The following METTL26 variants were observed in gnomAD, a reference collection of about 807,000 sequenced individuals.
METTL26 encodes methyltransferase-like 26.
A neutral mutation model predicts 24.7 loss-of-function variants in METTL26; 28 were observed. The observed-to-expected ratio is 1.13, with a 90% CI of 0.84 to 1.55. The LOEUF (loss-of-function observed/expected upper bound fraction) is 1.55, where lower values mean the gene tolerates loss of function less well. Among genes scored for constraint, METTL26 ranks in the 40% most tolerant of loss-of-function variants. METTL26 has a pLI of 0.00. For missense variants in METTL26, 344 were observed against 281.2 expected (o/e 1.22, Z -1.60); for synonymous variants, 165 against 125.2 (o/e 1.32, Z -2.12).
At position 634,445 on chromosome 16, in the gene METTL26, GC is replaced by G. The variant is rs1328306516; in HGVS notation, c.*151del. The G allele has an allele frequency of 1.4e-6, 2 of 1,452,076 alleles. No homozygotes were observed. The highest frequency in any genetic ancestry group is 1.9e-6 in the Non-Finnish European group (2 of 1,039,094). 89.9% of individuals were successfully genotyped at this position (1,452,076 alleles called of 1,614,324 possible). On this transcript the variant is annotated 3_prime_UTR_variant, in exon 6 of 6. Transcript: ENST00000301686. ...CACCAGCAAGCCGGCAGCAGGACAT[GC>G]TTTATTCTGAGCAGGCTGGGCCCTT...
chr16:635,376 C>T (rs373273169), intron 2 of METTL26, 36 bp from the exon 3 acceptor site: 2 of 1,566,490 alleles, frequency 1.3e-6, no homozygotes, highest in African/African-American at 1.3e-5. Flanking sequence ...TGAGGTGCTG[C>T]CCCCAACAGA....
At position 635,760 on chromosome 16, in the gene METTL26, G is replaced by A. The variant is rs563555935; in HGVS notation, c.212C>T (p.Thr71Met). 16 of 1,569,196 alleles carry A rather than the reference G, an allele frequency of 1.0e-5. No individual in the cohort carries two copies. The highest frequency in any genetic ancestry group is 9.4e-5 in the African/African-American group (7 of 74,462). Residue 71 changes from threonine (T) to methionine (M), a missense_variant, in exon 2 of 6, where the codon ACG (threonine) becomes ATG (methionine). Thr to Met is a moderately conservative substitution (Grantham distance 81, BLOSUM62 -1). Coordinates refer to ENST00000301686, the MANE Select transcript of METTL26 (RefSeq NM_032366.5). Reference sequence around the variant, plus strand: ...CACGTTGGTCAGGCCCTGGGCTTGCGTGGTGGCCGCGATGCTGCAGGAGGC... The same window carrying A: ...CACGTTGGTCAGGCCCTGGGCTTGCATGGTGGCCGCGATGCTGCAGGAGGC... Reference protein sequence around the residue: ...QRCLDSIAATTQAQGLTNVKA... With the variant: ...QRCLDSIAATMQAQGLTNVKA...
intron 3 of METTL26, 139 bp downstream of exon 3, chr16:635,142 G>A (rs1029847287): frequency 1.4e-6 from 2 of 1,481,358 alleles, no homozygotes; most frequent in Non-Finnish European, 1.8e-6. Context: ...CCAGGGAGGG[G>A]TACAGACTGG....
chr16:635,875 A>G (rs1330865518), intron 1 of METTL26, 101 bp from the exon 2 acceptor site: 3 of 1,424,622 alleles, frequency 2.1e-6, no homozygotes, highest in South Asian at 1.4e-5. Context: ...CACGTTGAGG[A>G]GCGGAGACCA....
chr16:635,908 C>T, intron 1 of METTL26, 134 bp from the exon 2 acceptor site: 1 of 1,353,376 alleles, frequency 7.4e-7, no homozygotes, highest in Non-Finnish European at 9.8e-7. Flanking sequence ...AGGGGGACCC[C>T]GAGGTCCACC....
Position 634,432 on chromosome 16 carries a change from G to C in METTL26, c.*165C>G. The C allele has an allele frequency of 1.5e-6, 2 of 1,373,564 alleles. No individual in the cohort carries two copies. The highest frequency in any genetic ancestry group is 1.0e-6 in the Non-Finnish European group (1 of 974,924). The allele number at this position is 1,373,564 out of a possible 1,614,324, so 85.1% of individuals were successfully genotyped here. ...GAGGTGGGGCAGACACCAGCAAGCC[G>C]GCAGCAGGACATGCTTTATTCTGAG... On this transcript the variant is annotated 3_prime_UTR_variant, in exon 6 of 6. Coordinates refer to ENST00000301686, the MANE Select transcript of METTL26 (RefSeq NM_032366.5).
chr16:635,965 G>A (rs1567203152), intron 1 of METTL26, 129 bp downstream of exon 1: 2 of 1,361,520 alleles, frequency 1.5e-6, no homozygotes, highest in African/African-American at 1.5e-5. Context: ...TGCCCCGGGG[G>A]CACCCCCAGG....
Position 635,621 on chromosome 16 carries a change from G to A in METTL26, c.351C>T (p.Arg117=). ...CINMAHVSPL[R]CTEGLFRAAG... is the part of the protein sequence containing the mutation. ...TGGGCTCCCCACAGACCTCCGTGCA[G>A]CGCAGGGGGCTGACATGGGCCATGT... The change falls in exon 2 of 6, where the codon CGC becomes CGT. Residue 117 remains arginine (R), a synonymous_variant. Coordinates refer to ENST00000301686, the MANE Select transcript of METTL26 (RefSeq NM_032366.5). 1 of 1,549,662 alleles carries A rather than the reference G, an allele frequency of 6.5e-7. No homozygotes were observed.
Position 635,714 on chromosome 16 carries a change from G to A in METTL26, c.258C>T (p.Asp86=), listed in dbSNP as rs749089295. 21 of 1,571,296 alleles carry A rather than the reference G, an allele frequency of 1.3e-5. No homozygotes were observed. The highest frequency in any genetic ancestry group is 1.7e-4 in the Middle Eastern group (1 of 6,006). Residue 86 remains aspartate (D), a synonymous_variant, in exon 2 of 6, where the codon GAC becomes GAT. Coordinates refer to ENST00000301686, the MANE Select transcript of METTL26 (RefSeq NM_032366.5). ...CCCAGTGCTCCCAGCCCCACGTCAC[G>A]TCCAGGTGTAGCGGGGCCTTCACGT... ...LTNVKAPLHL[D]VTWGWEHWGG... is the part of the protein sequence containing the mutation.
rs765469785 is a variant in METTL26 at position 634,600 on chromosome 16, G to A, written c.612C>T (p.Asn204=). ...TGTGCGGGGGTGAAGGAGGGGCTTA[G>A]TTTTTCCGGAAGATCAGGCATTTGT... ...ANNKCLIFRK[N] Residue 204 remains asparagine (N), a synonymous_variant, in exon 6 of 6, where the codon AAC becomes AAT. Transcript: ENST00000301686. 3.1e-6 allele frequency: 5 copies of A among 1,613,268 alleles called. No homozygotes were observed. In the African/African-American group the frequency reaches 5.3e-5, roughly 17 times the overall value.
intron 1 of METTL26, 153 bp downstream of exon 1, chr16:635,941 G>T: frequency 1.5e-6 from 2 of 1,333,844 alleles, no homozygotes; most frequent in Non-Finnish European, 2.0e-6. Flanking sequence ...CGCGGGGGCC[G>T]CACAGCTAGG....
intron 3 of METTL26, 57 bp from the exon 4 acceptor site, chr16:635,013 C>G: frequency 6.5e-7 from 1 of 1,548,040 alleles, no homozygotes; most frequent in Non-Finnish European, 8.7e-7. Context: ...CCCAGAGAGC[C>G]TGGGACAGAC....
At chr16:635,431 G>A (rs947051838) in intron 2 of METTL26, 91 bp from the exon 3 acceptor site, 1 of 980,948 alleles carries the variant, frequency 1.0e-6, no homozygotes, top group African/African-American at 1.6e-5. Context: ...CTGTGATGGG[G>A]GAGGCTGGAG....
Position 634,584 on chromosome 16 carries a change from G to C in METTL26, c.*13C>G. On this transcript the variant is annotated 3_prime_UTR_variant, in exon 6 of 6. Coordinates refer to ENST00000301686, the MANE Select transcript of METTL26 (RefSeq NM_032366.5). ...CCGGCAGGGATGCAGGTGTGCGGGG[G>C]TGAAGGAGGGGCTTAGTTTTTCCGG... is the stretch of plus-strand genomic sequence containing the variant. 6.2e-7 allele frequency: 1 copy of C among 1,613,276 alleles called. No individual in the cohort carries two copies. Among genetic ancestry groups the C allele is most frequent in the South Asian group, 1.1e-5 (1 of 91,088 alleles).
rs1336438308 is a variant in METTL26 at position 635,805 on chromosome 16, G to A, written c.198-31C>T. 11 of 1,530,456 alleles carry A rather than the reference G, an allele frequency of 7.2e-6. No homozygotes were observed. In the South Asian group the frequency reaches 7.2e-5, roughly 10 times the overall value. 94.8% of individuals were successfully genotyped at this position (1,530,456 alleles called of 1,614,324 possible). ...GGAGGCGAACGCTTGGGTGGGGGCC[G>A]AGTCCTGTGCACCCGCCTTTCCGAC... On this transcript the variant is annotated intron_variant, in intron 1 of 5. Coordinates refer to ENST00000301686, the MANE Select transcript of METTL26 (RefSeq NM_032366.5).
rs762269963 is a variant in METTL26 at position 635,314 on chromosome 16, C to T, written c.387G>A (p.Leu129=). 4.4e-6 allele frequency: 7 copies of T among 1,599,512 alleles called. No homozygotes were observed. Among genetic ancestry groups the T allele is most frequent in the Non-Finnish European group, 6.0e-6 (7 of 1,173,172 alleles). Residue 129 remains leucine, a synonymous_variant, in exon 3 of 6, where the codon CTG becomes CTA. Transcript: ENST00000301686. ...TEGLFRAAGH[L]LKPRALLITY... Reference sequence around the variant, plus strand: ...TGATGAGCAGGGCCCTGGGTTTGAGCAGGTGTCCTGCTGCTCTGAAGAGCC... The same window carrying T: ...TGATGAGCAGGGCCCTGGGTTTGAGTAGGTGTCCTGCTGCTCTGAAGAGCC...
Position 635,753 on chromosome 16 carries a change from G to A in METTL26, c.219C>T (p.Ala73=). ...CLDSIAATTQ[A]QGLTNVKAPL... The stretch of plus-strand genomic sequence containing the variant: ...GGGCCTTCACGTTGGTCAGGCCCTG[G>A]GCTTGCGTGGTGGCCGCGATGCTGC... Residue 73 remains alanine (A), a synonymous_variant, in exon 2 of 6, where the codon GCC becomes GCT. Coordinates refer to ENST00000301686, the MANE Select transcript of METTL26 (RefSeq NM_032366.5). 6.4e-7 allele frequency: 1 copy of A among 1,570,424 alleles called. No homozygotes were observed.
At position 634,752 on chromosome 16, in the gene METTL26, C is replaced by T. The variant is rs758337261; in HGVS notation, c.534G>A (p.Leu178=). 6.2e-6 allele frequency: 10 copies of T among 1,612,516 alleles called. No individual in the cohort carries two copies. The highest frequency in any genetic ancestry group is 8.5e-6 in the Non-Finnish European group (10 of 1,179,856). ...GLRDTALLED[L]GKASGLLLER... is the part of the protein sequence containing the mutation. Reference sequence around the variant, plus strand: ...CCAGGAGCAGGCCACTGGCCTTTCCCAGGTCCTCCAGGAGGGCTGTGTCCC... The same window carrying T: ...CCAGGAGCAGGCCACTGGCCTTTCCTAGGTCCTCCAGGAGGGCTGTGTCCC... Residue 178 remains leucine, a synonymous_variant, in exon 5 of 6, where the codon CTG becomes CTA. Transcript: ENST00000301686.
chr16:634,712 C>A lies in METTL26; in HGVS notation c.567+7G>T, dbSNP rs753449471. 35 of 1,612,764 alleles carry A rather than the reference C, an allele frequency of 2.2e-5. No homozygotes were observed. Among genetic ancestry groups the A allele is most frequent in the Non-Finnish European group, 7.6e-6 (9 of 1,179,966 alleles). ...GAGGTTGCCTGGGCCCCCGCTCCCC[C>A]ACCTACCATCCTCTCCAGGAGCAGG... On this transcript the variant is annotated splice_region_variant and intron_variant, in intron 5 of 5. Transcript: ENST00000301686.
Sources: gnomAD v4.1 joint callset for allele counts on GRCh38, gnomAD v4.1.1 for gene constraint, MANE v1.5 for transcripts, NCBI Gene and HGNC (gene_info 2026-07-23, HGNC 2026-07-21) for gene names.